The following TRPC1 variants were observed in gnomAD, a reference collection of about 807,000 sequenced individuals.
TRPC1 encodes the protein transient receptor potential cation channel subfamily C member 1.
TRPC1 carries 42 observed loss-of-function variants against 88.2 expected under a neutral mutation model. That is an observed-to-expected ratio of 0.48 (90% confidence interval 0.37 to 0.62). TRPC1 has a LOEUF of 0.62. Ranked by LOEUF, TRPC1 falls within the 20% of genes least tolerant of loss-of-function variation. TRPC1 has a pLI of 0.00. For synonymous variants in TRPC1, 288 were observed against 331.8 expected (o/e 0.87, Z 1.43); for missense variants, 699 against 957.3 (o/e 0.73, Z 3.56).
rs1030914574 is a variant in TRPC1 at position 142,803,832 on chromosome 3, A to C, written c.1758-145A>C. On this transcript the variant is annotated intron_variant, in intron 10 of 12. Coordinates refer to ENST00000476941, the MANE Select transcript of TRPC1 (RefSeq NM_001251845.2). ...TAAATTTAAAGTAAGGCATATCAGT[A>C]CTGTGGAAGTCAACATCATTTTTAA... 8 of 759,830 alleles carry C rather than the reference A, an allele frequency of 1.1e-5. No individual in the cohort carries two copies. In the African/African-American group the frequency reaches 1.4e-4, roughly 13 times the overall value. The allele number at this position is 759,830 out of a possible 1,614,324, so 47.1% of individuals were successfully genotyped here. A position where few individuals can be genotyped will look rare whatever the true frequency, so the allele number is the denominator to read the frequency against.
At chr3:142,785,240 G>A (rs1351980816) in intron 7 of TRPC1, 200 bp downstream of exon 7, 5 of 439,382 alleles carry the variant, frequency 1.1e-5, no homozygotes, top group Non-Finnish European at 2.0e-5. Context: ...TGATAAGGAA[G>A]CATCTCTCTT....
intron 1 of TRPC1, among the ~76,000 whole-genome samples, chr3:142,727,904 G>C (rs919941038): frequency 4.6e-5 from 7 of 151,904 alleles, no homozygotes; most frequent in Admixed American, 4.6e-4. Context: ...TGTCCCTCAG[G>C]TCTGTTAACA....
chr3:142,765,364 A>T (rs547217285), intron 4 of TRPC1, among the ~76,000 whole-genome samples: 1 of 152,306 alleles, frequency 6.6e-6, no homozygotes, highest in South Asian at 2.1e-4. Flanking sequence ...GAAAAGTTAA[A>T]GCAATCTTAA....
chr3:142,757,734 C>T (rs1430891001), intron 4 of TRPC1, among the ~76,000 whole-genome samples: 2 of 152,066 alleles, frequency 1.3e-5, no homozygotes, highest in Non-Finnish European at 2.9e-5. Context: ...ATTGGTGCAG[C>T]AAACCACCAT....
At chr3:142,754,947 A>G (rs1934906289) in intron 4 of TRPC1, among the ~76,000 whole-genome samples, 1 of 152,252 alleles carries the variant, frequency 6.6e-6, no homozygotes, top group South Asian at 2.1e-4. Context: ...AATGAATAAT[A>G]TAGCCTGTAA....
intron 4 of TRPC1, among the ~76,000 whole-genome samples, chr3:142,774,328 C>G (rs552608056): frequency 6.6e-6 from 1 of 152,324 alleles, no homozygotes; most frequent in African/African-American, 2.4e-5. Context: ...TTATGGCTTT[C>G]TTATTTCCAA....
In TRPC1 at chr3:142,792,396, T is replaced by A. The variant is rs186269434; in HGVS notation, c.1438-428T>A. ...CTAGGTACAATAATGCCCTCTTTTT[T>A]ATTTTGTATTTAAAAGGGGGGAAAA... On this transcript the variant is annotated intron_variant, in intron 8 of 12. Coordinates refer to ENST00000476941, the MANE Select transcript of TRPC1 (RefSeq NM_001251845.2). This position sits in a 1 kb window ranked among gnomAD's most constrained non-coding sequence, Gnocchi z 4.0. 5.9e-4 allele frequency among the ~76,000 whole-genome samples: 89 copies of A among 152,100 alleles called. 1 individual carries two copies. In the Middle Eastern group the frequency reaches 0.01, roughly 17 times the overall value.
At chr3:142,780,395 T>C (rs969207677) in intron 5 of TRPC1, among the ~76,000 whole-genome samples, 5 of 152,190 alleles carry the variant, frequency 3.3e-5, no homozygotes, top group Admixed American at 3.3e-4. Context: ...TGTAGATGAC[T>C]ATTGAAAAAG....
intron 9 of TRPC1, among the ~76,000 whole-genome samples, chr3:142,799,118 G>A (rs1199426745): frequency 6.6e-6 from 1 of 151,950 alleles, no homozygotes; most frequent in Admixed American, 6.6e-5. Context: ...AATAGCATTT[G>A]GTGCTGTTTT....
Position 142,807,011 on chromosome 3 carries a change from GTTATGT to G in TRPC1, c.*781_*786del, listed in dbSNP as rs1409346802. 2.0e-5 allele frequency: 3 copies of G among 151,294 alleles called. No homozygotes were observed. Among genetic ancestry groups the G allele is most frequent in the African/African-American group, 4.9e-5 (2 of 41,204 alleles). 9.4% of individuals were successfully genotyped at this position (151,294 alleles called of 1,614,324 possible). A position where few individuals can be genotyped will look rare whatever the true frequency, so the allele number is the denominator to read the frequency against. On this transcript the variant is annotated 3_prime_UTR_variant, in exon 13 of 13. Transcript: ENST00000476941. The stretch of plus-strand genomic sequence containing the variant: ...AGATGTTTTATTTTTTAGCTATTCA[GTTATGT>G]TTATAAGTTTGCATAGCTACTTCTC...
chr3:142,790,957 ATTAT>A, intron 7 of TRPC1, 58 bp from the exon 8 acceptor site: 1 of 1,322,426 alleles, frequency 7.6e-7, no homozygotes, highest in South Asian at 2.0e-5. Flanking sequence ...GTCTTAAAGT[ATTAT>A]TTAGTTTATT....
rs71153991 is a variant in TRPC1 at position 142,805,129 on chromosome 3, TACACACACAC to T, written c.2154+531_2154+540del. Among the ~76,000 whole-genome samples, 636 of 95,318 alleles carry T rather than the reference TACACACACAC, an allele frequency of 6.7e-3. 19 individuals carry two copies. In the East Asian group the frequency reaches 0.13, roughly 20 times the overall value. The allele number at this position is 95,318 out of a possible 152,430, so 62.5% of individuals were successfully genotyped here. On this transcript the variant is annotated intron_variant, in intron 12 of 12. Coordinates refer to ENST00000476941, the MANE Select transcript of TRPC1 (RefSeq NM_001251845.2). ...ACAAACAAACAAACAAATATATATATACACACACACACACACACACACACACACACACACA... is the reference window on the plus strand; with the variant it reads ...ACAAACAAACAAACAAATATATATATACACACACACACACACACACACACA...
In TRPC1 at chr3:142,789,418, G is replaced by A. The variant is rs138203015; in HGVS notation, c.1298-1601G>A. ...TTTTGAGTAAAAACATACTAAGGTG[G>A]AATTGTTAAAAATGTTTTTCCTGTC... On this transcript the variant is annotated intron_variant, in intron 7 of 12. Coordinates refer to ENST00000476941, the MANE Select transcript of TRPC1 (RefSeq NM_001251845.2). Among the ~76,000 whole-genome samples the A allele has an allele frequency of 6.0e-3, 913 of 152,224 alleles. 3 individuals carry two copies. Among genetic ancestry groups the A allele is most frequent in the Non-Finnish European group, 9.9e-3 (670 of 67,994 alleles).
intron 4 of TRPC1, among the ~76,000 whole-genome samples, chr3:142,756,173 T>G (rs980006756): frequency 6.6e-6 from 1 of 152,208 alleles, no homozygotes; most frequent in African/African-American, 2.4e-5. Flanking sequence ...GCTCAACATT[T>G]GAGTTGTTTC....
At chr3:142,804,834 C>T (rs532631883) in intron 12 of TRPC1, among the ~76,000 whole-genome samples, 5 of 152,160 alleles carry the variant, frequency 3.3e-5, no homozygotes, top group South Asian at 2.1e-4. Flanking sequence ...GGGCTGGGTG[C>T]GGTGGCTCAC....
chr3:142,770,593 A>T (rs1935543541), intron 4 of TRPC1, among the ~76,000 whole-genome samples: 1 of 152,198 alleles, frequency 6.6e-6, no homozygotes, highest in Admixed American at 6.5e-5. Context: ...TTCTGTAGAC[A>T]ACATATAATT....
At chr3:142,752,195 G>T (rs1198714805) in intron 4 of TRPC1, among the ~76,000 whole-genome samples, 1 of 152,142 alleles carries the variant, frequency 6.6e-6, no homozygotes, top group African/African-American at 2.4e-5. Flanking sequence ...ACCTGCACCG[G>T]CACCGGCCTC....
intron 5 of TRPC1, among the ~76,000 whole-genome samples, chr3:142,780,064 G>T (rs1272506): frequency 1.3e-5 from 2 of 152,022 alleles, no homozygotes; most frequent in African/African-American, 4.8e-5. Context: ...GGCCAGGCTG[G>T]TCTTGAACTC....
At chr3:142,766,837 T>TTA (rs1230574280) in intron 4 of TRPC1, among the ~76,000 whole-genome samples, 1 of 152,166 alleles carries the variant, frequency 6.6e-6, no homozygotes, top group Non-Finnish European at 1.5e-5. Context: ...AAACTCTCCT[T>TTA]TATATATATC....
Sources: gnomAD v4.1 joint callset for allele counts (sites outside exome capture counted in the v4.1 genomes callset) on GRCh38, gnomAD v4.1.1 for gene constraint, Gnocchi (gnomAD v3.1) non-coding constraint, MANE v1.5 for transcripts, NCBI Gene and HGNC (gene_info 2026-07-23, HGNC 2026-07-21) for gene names.